The following NDUFAF2 variants were observed in gnomAD, a reference collection of about 807,000 sequenced individuals.
NDUFAF2 encodes NADH:ubiquinone oxidoreductase complex assembly factor 2, also known as NADH dehydrogenase [ubiquinone] 1 alpha subcomplex assembly factor 2.
A neutral mutation model predicts 22.8 loss-of-function variants in NDUFAF2; 13 were observed. The observed-to-expected ratio is 0.57, with a 90% CI of 0.37 to 0.91. The LOEUF is 0.91. Ranked by LOEUF, NDUFAF2 falls within the 40% of genes least tolerant of loss-of-function variation. The pLI is 0.01. For missense variants in NDUFAF2, 162 were observed against 195.2 expected, an observed-to-expected ratio of 0.83 and a Z score of 1.01; for synonymous variants, 53 against 64.2, an observed-to-expected ratio of 0.83 and a Z score of 0.84.
intron 2 of NDUFAF2, among the ~76,000 whole-genome samples, chr5:61,095,378 A>G (rs950492501): frequency 9.2e-5 from 14 of 152,174 alleles, no homozygotes; most frequent in African/African-American, 3.1e-4. Flanking sequence ...TCCCTCCCCC[A>G]AGGAACTCTG....
At chr5:61,044,850 A>G (rs893772706) in intron 1 of NDUFAF2, among the ~76,000 whole-genome samples, 3 of 151,946 alleles carry the variant, frequency 2.0e-5, no homozygotes, top group Admixed American at 2.0e-4. Context: ...TGTTTTTTCT[A>G]TCTCTGTAAA....
intron 1 of NDUFAF2, among the ~76,000 whole-genome samples, chr5:60,998,484 T>A (rs562113771): frequency 2.7e-4 from 41 of 152,274 alleles, no homozygotes; most frequent in African/African-American, 9.4e-4. Flanking sequence ...TATAAAATTG[T>A]ATTTTTTCCC....
intron 1 of NDUFAF2, among the ~76,000 whole-genome samples, chr5:60,994,152 G>A (rs1027836319): frequency 1.3e-5 from 2 of 152,232 alleles, no homozygotes; most frequent in South Asian, 4.1e-4. Flanking sequence ...CACACACCCA[G>A]CTAGGCTATG....
chr5:61,052,239 A>G (rs916378588), intron 1 of NDUFAF2, among the ~76,000 whole-genome samples: 2 of 152,194 alleles, frequency 1.3e-5, no homozygotes, highest in Non-Finnish European at 2.9e-5. Flanking sequence ...TAATTTTCCT[A>G]CACTCTTAAT....
chr5:61,042,429 A>G (rs755338580), intron 1 of NDUFAF2, among the ~76,000 whole-genome samples: 6 of 152,144 alleles, frequency 3.9e-5, no homozygotes, highest in Non-Finnish European at 7.4e-5. Flanking sequence ...AGGAAATTCT[A>G]TGTATGTATG....
intron 1 of NDUFAF2, among the ~76,000 whole-genome samples, chr5:60,961,918 A>G (rs1419951052): frequency 6.6e-6 from 1 of 151,550 alleles, no homozygotes; most frequent in East Asian, 1.9e-4. Context: ...CTATGATTGC[A>G]TCACTGCACT....
In NDUFAF2 at chr5:60,945,371, A is replaced by G; in HGVS notation, c.116A>G (p.Lys39Arg). 1 of 1,614,210 alleles carries G rather than the reference A, an allele frequency of 6.2e-7. No individual in the cohort carries two copies. Among genetic ancestry groups the G allele is most frequent in the Non-Finnish European group, 8.5e-7 (1 of 1,180,042 alleles). Residue 39 changes from lysine (K) to arginine (R), a missense_variant, in exon 1 of 4, where the codon AAG (lysine) becomes AGG (arginine). Lys to Arg is a conservative substitution (Grantham distance 26). Around this residue, in one of 2 missense-constraint regions of NDUFAF2, gnomAD observed 94 missense variants for 85.2 expected, o/e 1.10. Transcript: ENST00000296597. ...AAATACTACTACATCCCGCAGTACA[A>G]GAACTGGAGAGGTGAGGTGGCGGCG... The part of the protein sequence containing the change: ...GNKYYYIPQY[K>R]NWRGQTIREK...
At chr5:61,000,568 A>G (rs1419068197) in intron 1 of NDUFAF2, among the ~76,000 whole-genome samples, 1 of 152,174 alleles carries the variant, frequency 6.6e-6, no homozygotes, top group Non-Finnish European at 1.5e-5. Context: ...CAACAATGAA[A>G]TTAACTTAGA....
chr5:61,089,948 G>T (rs1752546996), intron 2 of NDUFAF2, among the ~76,000 whole-genome samples: 1 of 151,332 alleles, frequency 6.6e-6, no homozygotes, highest in Non-Finnish European at 1.5e-5. Context: ...AACTGAAAAT[G>T]CTGTTTTATA....
At chr5:61,017,818 C>T (rs958988503) in intron 1 of NDUFAF2, among the ~76,000 whole-genome samples, 2 of 152,080 alleles carry the variant, frequency 1.3e-5, no homozygotes, top group Non-Finnish European at 2.9e-5. Context: ...GGCTTGACCT[C>T]GGCTCACTGC....
intron 3 of NDUFAF2, among the ~76,000 whole-genome samples, chr5:61,150,340 A>T (rs1157622802): frequency 6.6e-6 from 1 of 152,116 alleles, no homozygotes; most frequent in African/African-American, 2.4e-5. Flanking sequence ...TTGTTTTTTC[A>T]GAAAAACAAA....
chr5:61,101,254 CT>C (rs1351034489), intron 3 of NDUFAF2, among the ~76,000 whole-genome samples: 1 of 152,104 alleles, frequency 6.6e-6, no homozygotes, highest in East Asian at 1.9e-4. Context: ...ACTTTGCCAT[CT>C]ACTTCAGCCC....
At chr5:61,122,808 T>G (rs1161956502) in intron 3 of NDUFAF2, among the ~76,000 whole-genome samples, 2 of 152,186 alleles carry the variant, frequency 1.3e-5, no homozygotes, top group African/African-American at 2.4e-5. Context: ...CTTTTGTATT[T>G]TTACTCCAGC....
rs1445781062 is a variant in NDUFAF2, at chr5:60,961,727, C to A, written c.127+16345C>A. On this transcript the variant is annotated intron_variant, in intron 1 of 3. Coordinates refer to ENST00000296597, the MANE Select transcript of NDUFAF2 (RefSeq NM_174889.5). ...GTTGCAGTGAGCCGAGATTGTGCCACCACACTCTAGCCTGGGCAACAGAAG... is the reference window on the plus strand; with the variant it reads ...GTTGCAGTGAGCCGAGATTGTGCCAACACACTCTAGCCTGGGCAACAGAAG... Among the ~76,000 whole-genome samples the A allele has an allele frequency of 3.3e-5, 5 of 149,654 alleles. No individual in the cohort carries two copies. The East Asian group carries it at 7.9e-4, about 24-fold the overall frequency.
rs182124135 is a variant in NDUFAF2 at position 61,149,749 on chromosome 5, G to A, written c.259-2955G>A. 5.3e-5 allele frequency among the ~76,000 whole-genome samples: 8 copies of A among 152,260 alleles called. No homozygotes were observed. The East Asian group carries it at 1.5e-3, about 29-fold the overall frequency. ...ACATACTGTTATTTGATAAACGTAT[G>A]GAGATATAGGGTGATATTGTTCCAA... On this transcript the variant is annotated intron_variant, in intron 3 of 3. Coordinates refer to ENST00000296597, the MANE Select transcript of NDUFAF2 (RefSeq NM_174889.5).
chr5:60,945,302 C>T lies in NDUFAF2; in HGVS notation c.47C>T (p.Ser16Leu). 6.2e-7 allele frequency: 1 copy of T among 1,613,926 alleles called. No individual in the cohort carries two copies. The highest frequency in any genetic ancestry group is 8.5e-7 in the Non-Finnish European group (1 of 1,179,992). Residue 16 changes from serine to leucine, a missense_variant, in exon 1 of 4, where the codon TCA becomes TTA. Coordinates refer to ENST00000296597, the MANE Select transcript of NDUFAF2 (RefSeq NM_174889.5). ...TTCCGCGCCTTGTGGAGATCGCTGT[C>T]AAGGGAAGTGAAGGAGCACGTGGGC... Reference protein sequence around the residue: ...DLFRALWRSLSREVKEHVGTD... With the variant: ...DLFRALWRSLLREVKEHVGTD...
At chr5:60,957,976 T>G (rs1169360643) in intron 1 of NDUFAF2, among the ~76,000 whole-genome samples, 1 of 152,216 alleles carries the variant, frequency 6.6e-6, no homozygotes, top group East Asian at 1.9e-4. Flanking sequence ...TTTTTTGGAC[T>G]TGACTGTTAA....
chr5:60,946,547 G>T (rs1750459419), intron 1 of NDUFAF2, among the ~76,000 whole-genome samples: 1 of 152,190 alleles, frequency 6.6e-6, no homozygotes, highest in Non-Finnish European at 1.5e-5. Flanking sequence ...AAAGAACATA[G>T]CATGGTGTTA....
chr5:61,090,654 A>C (rs1752555108), intron 2 of NDUFAF2, among the ~76,000 whole-genome samples: 1 of 152,114 alleles, frequency 6.6e-6, no homozygotes, highest in South Asian at 2.1e-4. Flanking sequence ...CTAGAAAAAA[A>C]ATCATAATTA....
Sources: gnomAD v4.1 joint callset for allele counts (sites outside exome capture counted in the v4.1 genomes callset) on GRCh38, gnomAD v4.1.1 for gene constraint, gnomAD v4.1.1 regional missense constraint, MANE v1.5 for transcripts, NCBI Gene and HGNC (gene_info 2026-07-23, HGNC 2026-07-21) for gene names.